NPIPB8: variants seen among roughly 807,000 people sequenced by gnomAD.
NPIPB8 encodes nuclear pore complex interacting protein family member B8.
NPIPB8 carries 3 observed loss-of-function variants against 5.3 expected under a neutral mutation model. The ratio of observed to expected loss-of-function variants is 0.57; its 90% CI spans 0.26 to 1.47. The LOEUF is 1.47. NPIPB8 is among the 40% of genes most tolerant of loss of function. The pLI is 0.13. For missense variants in NPIPB8, 50 were observed against 50.2 expected, an observed-to-expected ratio of 1.00 and a Z score of 0.01; for synonymous variants, 18 against 23.0, an observed-to-expected ratio of 0.78 and a Z score of 0.62.
chr16:28,642,082 C>G (rs564253018), intron 2 of NPIPB8, among the ~76,000 whole-genome samples: 3 of 149,844 alleles, frequency 2.0e-5, no homozygotes, highest in African/African-American at 7.5e-5. Flanking sequence ...CCTTTTATAA[C>G]CAACACAACC....
chr16:28,642,182 T>C (rs1340332424), intron 2 of NPIPB8, among the ~76,000 whole-genome samples: 1 of 151,560 alleles, frequency 6.6e-6, no homozygotes, highest in Non-Finnish European at 1.5e-5. Context: ...CTCGGCTCAC[T>C]GCAACCTCCG....
intron 2 of NPIPB8, among the ~76,000 whole-genome samples, chr16:28,640,746 T>C: frequency 6.6e-6 from 1 of 152,112 alleles, no homozygotes; most frequent in Admixed American, 6.5e-5. Context: ...CCAGCATGAT[T>C]AAACGGAGTA....
intron 3 of NPIPB8, among the ~76,000 whole-genome samples, chr16:28,650,941 C>A (rs1209410993): frequency 1.1e-5 from 1 of 89,422 alleles, no homozygotes; most frequent in Non-Finnish European, 2.0e-5. Flanking sequence ...ACCATCTAAC[C>A]GTGTTGAAGT....
At chr16:28,639,466 T>A (rs1254526046) in intron 2 of NPIPB8, among the ~76,000 whole-genome samples, 1 of 143,850 alleles carries the variant, frequency 7.0e-6, no homozygotes, top group Non-Finnish European at 1.5e-5. Flanking sequence ...TTTTTTTTTT[T>A]TTTTTTTTGA....
chr16:28,644,704 G>A (rs760782426), intron 2 of NPIPB8: 122 of 1,137,214 alleles, frequency 1.1e-4, no homozygotes, highest in Non-Finnish European at 1.3e-4. Flanking sequence ...ACTGGGCTGT[G>A]TCACGCGGCA....
chr16:28,638,042 A>G (rs543014131), upstream of NPIPB8: 1,619 of 687,392 alleles, frequency 2.4e-3, 28 homozygotes, highest in South Asian at 0.026. Flanking sequence ...AGAAATGATG[A>G]TACATTTAAA....
chr16:28,642,439 A>T (rs2898717), intron 2 of NPIPB8, among the ~76,000 whole-genome samples: 9 of 150,996 alleles, frequency 6.0e-5, no homozygotes, highest in East Asian at 2.0e-4. Flanking sequence ...AGCATATAAA[A>T]AGAATTGAAT....
chr16:28,644,542 C>T (rs2047963935), intron 2 of NPIPB8: 1 of 1,460,622 alleles, frequency 6.8e-7, no homozygotes, highest in South Asian at 1.2e-5. Context: ...CCTAAGCCAC[C>T]TCCACCTCTG....
At chr16:28,639,454 T>G (rs2047853744) in intron 2 of NPIPB8, among the ~76,000 whole-genome samples, 2 of 85,900 alleles carry the variant, frequency 2.3e-5, no homozygotes, top group Non-Finnish European at 5.0e-5. Flanking sequence ...CATATATATA[T>G]ATTTTTTTTT....
At chr16:28,644,755 G>A (rs1042806209) in intron 2 of NPIPB8, 1 of 635,128 alleles carries the variant, frequency 1.6e-6, no homozygotes, top group African/African-American at 3.3e-5. Flanking sequence ...AGCACTTTAG[G>A]GGGCCGAGGT....
rs537222665 is a variant in NPIPB8 at position 28,639,025 on chromosome 16, C to T, written c.120+545C>T. 8.7e-3 allele frequency among the ~76,000 whole-genome samples: 1,280 copies of T among 147,186 alleles called. 11 individuals carry two copies. The highest frequency in any genetic ancestry group is 0.028 in the African/African-American group (1,078 of 38,112). ...TGGAGGTTTTAGTGGGCCAAGATCA[C>T]GCCATTGCACTCCAGACTGTGCGAC... On this transcript the variant is annotated intron_variant, in intron 2 of 7. Transcript: ENST00000683297.
chr16:28,642,578 G>A (rs1348178533), intron 2 of NPIPB8, among the ~76,000 whole-genome samples: 19 of 151,002 alleles, frequency 1.3e-4, no homozygotes, highest in South Asian at 2.1e-4. Flanking sequence ...TCTGCCTCCC[G>A]GGTTCAAACT....
Position 28,638,579 on chromosome 16 carries a change from C to T in NPIPB8, c.120+99C>T, listed in dbSNP as rs867677034. 144 of 1,420,122 alleles carry T rather than the reference C, an allele frequency of 1.0e-4. 1 individual carries two copies. Among genetic ancestry groups the T allele is most frequent in the South Asian group, 1.3e-4 (10 of 78,820 alleles). 88.0% of individuals were successfully genotyped at this position (1,420,122 alleles called of 1,614,324 possible). A position where few individuals can be genotyped will look rare whatever the true frequency, so the allele number is the denominator to read the frequency against. Reference sequence around the variant, plus strand: ...AGCGGGTGATGCTGGGGGAAGCTTACGCAGTCACAGTACTGGCTTCTTCCT... The same window carrying T: ...AGCGGGTGATGCTGGGGGAAGCTTATGCAGTCACAGTACTGGCTTCTTCCT... On this transcript the variant is annotated intron_variant, in intron 2 of 7. Coordinates refer to ENST00000683297, the MANE Select transcript of NPIPB8 (RefSeq NM_001310136.2).
At chr16:28,651,724 G>A (rs1351680395) in intron 3 of NPIPB8, among the ~76,000 whole-genome samples, 2 of 82,956 alleles carry the variant, frequency 2.4e-5, no homozygotes, top group African/African-American at 1.4e-4. Flanking sequence ...CCGCCTCCCA[G>A]CTTCAAATGG....
At chr16:28,642,219 C>T (rs916428086) in intron 2 of NPIPB8, among the ~76,000 whole-genome samples, 1 of 151,592 alleles carries the variant, frequency 6.6e-6, no homozygotes, top group Non-Finnish European at 1.5e-5. Flanking sequence ...GATTGTCCTG[C>T]CTCAGCCTCC....
At chr16:28,646,215 T>TC (rs1314697346) in intron 2 of NPIPB8, among the ~76,000 whole-genome samples, 2 of 22,488 alleles carry the variant, frequency 8.9e-5, no homozygotes, top group Non-Finnish European at 8.1e-5. Flanking sequence ...TTTTTTTTTT[T>TC]TTTTTTTTTT....
At chr16:28,644,340 C>G (rs1247782831) in intron 2 of NPIPB8, among the ~76,000 whole-genome samples, 2 of 119,304 alleles carry the variant, frequency 1.7e-5, no homozygotes, top group East Asian at 2.6e-4. Flanking sequence ...TTCCCAGACC[C>G]CTTTCTTCTT....
chr16:28,639,461 T>A (rs1397187381), intron 2 of NPIPB8, among the ~76,000 whole-genome samples: 2,483 of 109,680 alleles, frequency 0.023, 40 homozygotes, highest in Non-Finnish European at 0.031. Context: ...ATATATTTTT[T>A]TTTTTTTTTT....
chr16:28,638,644 G>T (rs1003735930), intron 2 of NPIPB8, among the ~76,000 whole-genome samples, 164 bp downstream of exon 2: 1 of 150,914 alleles, frequency 6.6e-6, no homozygotes, highest in African/African-American at 2.5e-5. Flanking sequence ...ATGGGGTAAA[G>T]TAGTTGACTT....
Sources: gnomAD v4.1 joint callset for allele counts (sites outside exome capture counted in the v4.1 genomes callset) on GRCh38, gnomAD v4.1.1 for gene constraint, MANE v1.5 for transcripts, NCBI Gene and HGNC (gene_info 2026-07-23, HGNC 2026-07-21) for gene names.